LMO3: variants seen among roughly 807,000 people sequenced by gnomAD.
LMO3 encodes LIM domain only 3.
Under a neutral mutation model 15.8 loss-of-function variants are expected in LMO3, and 2 were observed. That is an observed-to-expected ratio of 0.13 (90% CI 0.05 to 0.40). LMO3 has a LOEUF of 0.40. LMO3 is among the 10% of genes least tolerant of loss of function. The pLI, the probability that LMO3 is intolerant of heterozygous loss-of-function variation, is 0.99. For missense variants in LMO3, 86 were observed against 182.2 expected (o/e 0.47, Z 3.04); for synonymous variants, 62 against 63.8 (o/e 0.97, Z 0.13).
In LMO3 at chr12:16,550,515, G is replaced by A. The variant is rs549626245; in HGVS notation, c.*707C>T. On this transcript the variant is annotated 3_prime_UTR_variant, in exon 4 of 4. Coordinates refer to ENST00000537304, the MANE Select transcript of LMO3 (RefSeq NM_018640.5). ...TTATTCTAAAAATGGCACTTTTCAC[G>A]TTGGTATAAAATGAAAGTGCTTTAA... The A allele has an allele frequency of 1.3e-5, 2 of 152,444 alleles. No homozygotes were observed. The highest frequency in any genetic ancestry group is 1.5e-5 in the Non-Finnish European group (1 of 67,876). 9.4% of individuals were successfully genotyped at this position (152,444 alleles called of 1,614,324 possible). A position where few individuals can be genotyped will look rare whatever the true frequency, so the allele number is the denominator to read the frequency against.
At chr12:16,558,992 A>G (rs1942293824) in intron 3 of LMO3, among the ~76,000 whole-genome samples, 1 of 152,174 alleles carries the variant, frequency 6.6e-6, no homozygotes, top group Non-Finnish European at 1.5e-5. Context: ...CAGCTAATAT[A>G]TGGTGGTGCT....
intron 2 of LMO3, among the ~76,000 whole-genome samples, chr12:16,581,033 T>A (rs1309909375): frequency 6.6e-6 from 1 of 152,166 alleles, no homozygotes; most frequent in Admixed American, 6.5e-5. Flanking sequence ...CACTAACAAA[T>A]TTTTTTCTAA....
At chr12:16,557,593 A>C (rs1942240529) in intron 3 of LMO3, among the ~76,000 whole-genome samples, 1 of 152,092 alleles carries the variant, frequency 6.6e-6, no homozygotes, top group East Asian at 1.9e-4. Context: ...ATACAATCTG[A>C]ATATCTACAT....
At position 16,593,088 on chromosome 12, in the gene LMO3, A is replaced by G. The variant is rs1018448999; in HGVS notation, c.206+7567T>C. On this transcript the variant is annotated intron_variant, in intron 2 of 3. Coordinates refer to ENST00000537304, the MANE Select transcript of LMO3 (RefSeq NM_018640.5). This position sits in a 1 kb window ranked among gnomAD's most constrained non-coding sequence, Gnocchi z 4.2. ...ACATTAGGATTAGCACATTTTATGA[A>G]GTTCCATGCCTGCTTACTAGTCCTT... Among the ~76,000 whole-genome samples the G allele has an allele frequency of 3.3e-5, 5 of 151,814 alleles. No individual in the cohort carries two copies. Among genetic ancestry groups the G allele is most frequent in the African/African-American group, 1.2e-4 (5 of 41,400 alleles).
intron 2 of LMO3, among the ~76,000 whole-genome samples, chr12:16,580,795 T>A (rs1465648143): frequency 5.3e-5 from 8 of 152,214 alleles, no homozygotes; most frequent in Admixed American, 3.9e-4. Context: ...TGCTAATCTC[T>A]ATTGTTAAAT....
chr12:16,592,256 A>G (rs1050157923), intron 2 of LMO3, among the ~76,000 whole-genome samples: 1 of 152,048 alleles, frequency 6.6e-6, no homozygotes, highest in Admixed American at 6.6e-5. Flanking sequence ...GTAATCATAA[A>G]CACAAACCCC....
chr12:16,549,045 CA>C lies in LMO3; in HGVS notation c.*2176del, dbSNP rs1168603142. On this transcript the variant is annotated 3_prime_UTR_variant, in exon 4 of 4. Transcript: ENST00000537304. Reference sequence around the variant, plus strand: ...ACATATAGATAAACAAAAGCAAAACCAGTTAAACCTTAAAAGATCATCTGAA... The same window carrying C: ...ACATATAGATAAACAAAAGCAAAACCGTTAAACCTTAAAAGATCATCTGAA... The C allele has an allele frequency of 6.6e-6, 1 of 152,070 alleles. No individual in the cohort carries two copies. The highest frequency in any genetic ancestry group is 1.9e-4 in the East Asian group (1 of 5,180). 9.4% of individuals were successfully genotyped at this position (152,070 alleles called of 1,614,324 possible).
chr12:16,579,810 T>C (rs571861457), intron 2 of LMO3, among the ~76,000 whole-genome samples: 1 of 152,344 alleles, frequency 6.6e-6, no homozygotes, highest in African/African-American at 2.4e-5. Context: ...AAATACCAGC[T>C]TATAAATGTA....
At chr12:16,556,298 T>C (rs1417040471) in intron 3 of LMO3, among the ~76,000 whole-genome samples, 1 of 152,182 alleles carries the variant, frequency 6.6e-6, no homozygotes, top group Admixed American at 6.5e-5. Context: ...AGATTCAAGA[T>C]ATCATAAAAT....
chr12:16,600,219 A>G, intron 2 of LMO3: 1 of 150,718 alleles, frequency 6.6e-6, no homozygotes, highest in Non-Finnish European at 1.4e-5. Flanking sequence ...TTTTAAAAAT[A>G]GTTAAGATAT....
intron 3 of LMO3, among the ~76,000 whole-genome samples, chr12:16,558,521 T>G (rs559284136): frequency 6.6e-6 from 1 of 152,190 alleles, no homozygotes; most frequent in East Asian, 1.9e-4. Context: ...TGTATGGATG[T>G]GGGAATGTTT....
chr12:16,562,104 G>A (rs1201253077), intron 2 of LMO3, among the ~76,000 whole-genome samples: 1 of 152,138 alleles, frequency 6.6e-6, no homozygotes, highest in African/African-American at 2.4e-5. Context: ...GCTCGAAAAT[G>A]TAATATCTTA....
rs113593462 is a variant in LMO3 at position 16,563,375 on chromosome 12, G to A, written c.207-2837C>T. On this transcript the variant is annotated intron_variant, in intron 2 of 3. Coordinates refer to ENST00000537304, the MANE Select transcript of LMO3 (RefSeq NM_018640.5). ...AAACAAAGTATTATTTTATAAAATG[G>A]GATTTTCAAATGTATAATGTTATCC... Among the ~76,000 whole-genome samples the A allele has an allele frequency of 7.5e-3, 1,138 of 152,102 alleles. 23 individuals carry two copies. The highest frequency in any genetic ancestry group is 0.026 in the African/African-American group (1,091 of 41,508).
chr12:16,562,859 C>T (rs1255494312), intron 2 of LMO3, among the ~76,000 whole-genome samples: 1 of 152,230 alleles, frequency 6.6e-6, no homozygotes, highest in African/African-American at 2.4e-5. Flanking sequence ...GCACTGCTAC[C>T]AGTGTACTTT....
At chr12:16,601,457 T>C (rs191924949) in intron 1 of LMO3, among the ~76,000 whole-genome samples, 432 of 152,304 alleles carry the variant, frequency 2.8e-3, no homozygotes, top group Middle Eastern at 0.01. Flanking sequence ...ATCCAAATAC[T>C]TCTTCTATGT....
At chr12:16,567,053 G>T (rs1273530375) in intron 2 of LMO3, among the ~76,000 whole-genome samples, 1 of 152,130 alleles carries the variant, frequency 6.6e-6, no homozygotes, top group Admixed American at 6.5e-5. Flanking sequence ...AAAATTAGCT[G>T]GGTGTGTTGG....
In LMO3 at chr12:16,591,302, T is replaced by C. The variant is rs986537098; in HGVS notation, c.206+9353A>G. On this transcript the variant is annotated intron_variant, in intron 2 of 3. Transcript: ENST00000537304. The surrounding 1 kb of genome is among the most constrained non-coding windows in gnomAD (Gnocchi z 4.1). ...TCCTGAGCCCAGAATGTCCTTCCCATACGTGATCATGGCTAGCTCCTTCAC... is the reference window on the plus strand; with the variant it reads ...TCCTGAGCCCAGAATGTCCTTCCCACACGTGATCATGGCTAGCTCCTTCAC... 3.3e-5 allele frequency among the ~76,000 whole-genome samples: 5 copies of C among 151,950 alleles called. No homozygotes were observed. Among genetic ancestry groups the C allele is most frequent in the Non-Finnish European group, 7.4e-5 (5 of 67,956 alleles).
upstream of LMO3, chr12:16,609,021 A>T (rs1944079662): frequency 6.6e-6 from 1 of 152,116 alleles, no homozygotes. Flanking sequence ...GATTTTTTTT[A>T]ATCTGTGCTA....
chr12:16,581,088 A>G (rs1417823427), intron 2 of LMO3, among the ~76,000 whole-genome samples: 1 of 152,236 alleles, frequency 6.6e-6, no homozygotes, highest in Non-Finnish European at 1.5e-5. Flanking sequence ...CAAGAAAACC[A>G]TTGGTTATCT....
Sources: gnomAD v4.1 joint callset for allele counts (sites outside exome capture counted in the v4.1 genomes callset) on GRCh38, gnomAD v4.1.1 for gene constraint, Gnocchi (gnomAD v3.1) non-coding constraint, MANE v1.5 for transcripts, NCBI Gene and HGNC (gene_info 2026-07-23, HGNC 2026-07-21) for gene names.